KCNT2: variants seen among roughly 807,000 people sequenced by gnomAD.
KCNT2 encodes potassium sodium-activated channel subfamily T member 2.
In KCNT2, 67 loss-of-function variants were observed where a neutral mutation model predicts 153.8. The observed-to-expected ratio is 0.44, with a 90% CI of 0.36 to 0.53. The LOEUF (loss-of-function observed/expected upper bound fraction) is 0.53, where lower values mean the gene tolerates loss of function less well. Ranked by LOEUF, KCNT2 falls within the 20% of genes least tolerant of loss-of-function variation. The pLI is 0.00. For missense variants in KCNT2, 975 were observed against 1,354.8 expected (o/e 0.72, Z 4.40); for synonymous variants, 500 against 458.8 (o/e 1.09, Z -1.15).
intron 8 of KCNT2, among the ~76,000 whole-genome samples, chr1:196,449,805 C>A (rs1675997164): frequency 1.3e-5 from 2 of 149,808 alleles, no homozygotes; most frequent in African/African-American, 4.9e-5. Context: ...AGAAAAGGCA[C>A]TAATAAAGAA....
chr1:196,424,579 GTATT>G lies in KCNT2; in HGVS notation c.1121+1269_1121+1272del, dbSNP rs761455861. Reference sequence around the variant, plus strand: ...CATGTACAATGACCACAAATATAAAGTATTTAATCCACCAAAAAGATGAAAATAC... The same window carrying G: ...CATGTACAATGACCACAAATATAAAGTAATCCACCAAAAAGATGAAAATAC... On this transcript the variant is annotated intron_variant, in intron 11 of 27. Coordinates refer to ENST00000294725, the MANE Select transcript of KCNT2 (RefSeq NM_198503.5). 4.2e-4 allele frequency among the ~76,000 whole-genome samples: 64 copies of G among 151,410 alleles called. 1 individual carries two copies. Among genetic ancestry groups the G allele is most frequent in the Non-Finnish European group, 8.4e-4 (57 of 67,888 alleles).
chr1:196,448,987 T>C (rs772809657), intron 8 of KCNT2, among the ~76,000 whole-genome samples: 2 of 151,742 alleles, frequency 1.3e-5, no homozygotes, highest in Non-Finnish European at 2.9e-5. Context: ...AATGCTTTTA[T>C]ATAAATGAGC....
At chr1:196,334,405 T>C (rs1572075348) in intron 16 of KCNT2, among the ~76,000 whole-genome samples, 1 of 151,584 alleles carries the variant, frequency 6.6e-6, no homozygotes, top group South Asian at 2.1e-4. Context: ...ATTTATTCTT[T>C]TGTTGTTGAC....
chr1:196,397,399 A>G (rs1374320830), intron 13 of KCNT2, among the ~76,000 whole-genome samples: 5 of 151,638 alleles, frequency 3.3e-5, no homozygotes, highest in African/African-American at 1.2e-4. Flanking sequence ...TACTTCACAT[A>G]TATTTTTCCA....
chr1:196,290,987 C>A (rs1039195245), intron 22 of KCNT2, among the ~76,000 whole-genome samples: 3 of 152,104 alleles, frequency 2.0e-5, no homozygotes, highest in Non-Finnish European at 4.4e-5. Flanking sequence ...TCAGGGCATT[C>A]TAAGGTCTAG....
chr1:196,458,684 T>C (rs753493769), intron 8 of KCNT2, among the ~76,000 whole-genome samples: 4 of 151,908 alleles, frequency 2.6e-5, no homozygotes, highest in Non-Finnish European at 4.4e-5. Flanking sequence ...TTTGGCATGT[T>C]TTATAAGGAA....
At chr1:196,534,758 C>G (rs1457617270) in intron 1 of KCNT2, among the ~76,000 whole-genome samples, 1 of 152,056 alleles carries the variant, frequency 6.6e-6, no homozygotes, top group Non-Finnish European at 1.5e-5. Context: ...ATCGTAAAAT[C>G]CACCCAAGAA....
rs577174409 is a variant in KCNT2 at position 196,517,924 on chromosome 1, C to G, written c.96-25583G>C. Among the ~76,000 whole-genome samples, 10 of 152,128 alleles carry G rather than the reference C, an allele frequency of 6.6e-5. No individual in the cohort carries two copies. The South Asian group carries it at 2.1e-3, about 32-fold the overall frequency. On this transcript the variant is annotated intron_variant, in intron 1 of 27. Coordinates refer to ENST00000294725, the MANE Select transcript of KCNT2 (RefSeq NM_198503.5). Reference sequence around the variant, plus strand: ...ATTCAGGAAATACAGAGAACCCCTGCAAGATTAAACACAAGCAGATTATCC... The same window carrying G: ...ATTCAGGAAATACAGAGAACCCCTGGAAGATTAAACACAAGCAGATTATCC...
intron 21 of KCNT2, among the ~76,000 whole-genome samples, chr1:196,315,611 A>C (rs1011288374): frequency 6.6e-6 from 1 of 151,684 alleles, no homozygotes; most frequent in African/African-American, 2.4e-5. Context: ...ACTCATGACT[A>C]CTAGTACACA....
intron 14 of KCNT2, among the ~76,000 whole-genome samples, chr1:196,346,377 A>T (rs190113226): frequency 1.4e-4 from 22 of 152,228 alleles, no homozygotes; most frequent in Non-Finnish European, 2.6e-4. Context: ...CCACCCAGTT[A>T]CTCAATGTAT....
chr1:196,562,689 G>A (rs1406438517), intron 1 of KCNT2, among the ~76,000 whole-genome samples: 2 of 151,062 alleles, frequency 1.3e-5, no homozygotes, highest in Non-Finnish European at 3.0e-5. Context: ...CTACAGTAAG[G>A]TTCTGATTTC....
At chr1:196,567,289 G>C (rs1056956621) in intron 1 of KCNT2, among the ~76,000 whole-genome samples, 3 of 151,868 alleles carry the variant, frequency 2.0e-5, no homozygotes, top group African/African-American at 7.3e-5. Context: ...CCATCTACTA[G>C]ACCACTATGC....
intron 1 of KCNT2, among the ~76,000 whole-genome samples, chr1:196,567,721 A>G (rs1660278076): frequency 6.6e-6 from 1 of 152,212 alleles, no homozygotes; most frequent in Admixed American, 6.5e-5. Flanking sequence ...AAAGAGATAA[A>G]GGTGGTGAAG....
intron 14 of KCNT2, among the ~76,000 whole-genome samples, chr1:196,348,922 A>G (rs1666374060): frequency 6.6e-6 from 1 of 152,028 alleles, no homozygotes; most frequent in South Asian, 2.1e-4. Context: ...GCATGCCTGT[A>G]ATCCCAGCTA....
intron 1 of KCNT2, among the ~76,000 whole-genome samples, chr1:196,498,183 T>A (rs1680404030): frequency 6.6e-6 from 1 of 152,224 alleles, no homozygotes; most frequent in Admixed American, 6.5e-5. Context: ...CTTAAAATTC[T>A]TATTCAATAA....
chr1:196,299,920 TA>T (rs1172816180), intron 22 of KCNT2, among the ~76,000 whole-genome samples: 21 of 152,326 alleles, frequency 1.4e-4, no homozygotes, highest in African/African-American at 4.8e-4. Flanking sequence ...TATGGATCTG[TA>T]AAAATAATGA....
At chr1:196,548,262 A>G (rs1480744674) in intron 1 of KCNT2, among the ~76,000 whole-genome samples, 2 of 152,094 alleles carry the variant, frequency 1.3e-5, no homozygotes, top group African/African-American at 4.8e-5. Context: ...TGAATTTAAC[A>G]AGTGAATCTT....
rs1666564531 is a variant in KCNT2, at chr1:196,350,407, T to C, written c.1404-8179A>G. 5.3e-5 allele frequency among the ~76,000 whole-genome samples: 8 copies of C among 152,196 alleles called. No individual in the cohort carries two copies. In the South Asian group the frequency reaches 1.7e-3, roughly 32 times the overall value. On this transcript the variant is annotated intron_variant, in intron 14 of 27. Transcript: ENST00000294725. Reference sequence around the variant, plus strand: ...TTTTAACGATTGCCATTCTGACTGGTGTGAGATGGTATCTCATTGTGGTTT... The same window carrying C: ...TTTTAACGATTGCCATTCTGACTGGCGTGAGATGGTATCTCATTGTGGTTT...
intron 1 of KCNT2, among the ~76,000 whole-genome samples, chr1:196,537,015 C>A (rs74661757): frequency 6.6e-6 from 1 of 152,126 alleles, no homozygotes; most frequent in Non-Finnish European, 1.5e-5. Flanking sequence ...CCCAGGTGCT[C>A]CATGCACTGC....
Sources: allele counts gnomAD v4.1 joint callset (sites outside exome capture counted in the v4.1 genomes callset), GRCh38; gene constraint gnomAD v4.1.1; transcripts MANE v1.5; gene names NCBI Gene and HGNC (gene_info 2026-07-23, HGNC 2026-07-21).